The following PRELID2 variants were observed in gnomAD, a reference collection of about 807,000 sequenced individuals.
PRELID2 encodes PRELI domain containing 2, also known as PRELI domain-containing protein 2.
In PRELID2, 25 loss-of-function variants were observed where a neutral mutation model predicts 28.4. That is an observed-to-expected ratio of 0.88 (90% CI 0.64 to 1.23). The LOEUF (loss-of-function observed/expected upper bound fraction) is 1.23, where lower values mean the gene tolerates loss of function less well. PRELID2 is among the 50% of genes most tolerant of loss of function. PRELID2 has a pLI of 0.00. For missense variants in PRELID2, 201 were observed against 214.4 expected, an observed-to-expected ratio of 0.94 and a Z score of 0.39; for synonymous variants, 76 against 71.6, an observed-to-expected ratio of 1.06 and a Z score of -0.31.
intron 1 of PRELID2, among the ~76,000 whole-genome samples, chr5:145,589,247 T>C (rs1270177175): frequency 1.3e-5 from 2 of 152,214 alleles, no homozygotes; most frequent in Non-Finnish European, 2.9e-5. Flanking sequence ...AACCAGGCTC[T>C]GGTAAATGTC....
the PRELID2 span, among the ~76,000 whole-genome samples, chr5:145,414,803 C>A: frequency 2.0e-5 from 3 of 152,176 alleles, no homozygotes; most frequent in African/African-American, 7.2e-5. Flanking sequence ...ATACCTGAGT[C>A]TTGAAATAAT....
intron 1 of PRELID2, among the ~76,000 whole-genome samples, chr5:145,708,473 A>G: frequency 6.7e-6 from 1 of 148,212 alleles, no homozygotes; most frequent in East Asian, 1.9e-4. Context: ...ACATCATTTT[A>G]ATTGTCATCC....
chr5:145,697,986 CAA>C (rs200419262), intron 1 of PRELID2, among the ~76,000 whole-genome samples: 3 of 149,776 alleles, frequency 2.0e-5, no homozygotes, highest in Admixed American at 6.6e-5. Flanking sequence ...TAATGTCCCT[CAA>C]AAAAAATATA....
At chr5:145,741,227 T>TAG (rs1756716044) in intron 1 of PRELID2, among the ~76,000 whole-genome samples, 1 of 68,000 alleles carries the variant, frequency 1.5e-5, no homozygotes, top group African/African-American at 5.6e-5. Context: ...AATATATATA[T>TAG]AATATATAAT....
chr5:145,724,646 T>TAA (rs1756090326), intron 1 of PRELID2, among the ~76,000 whole-genome samples: 2 of 120,106 alleles, frequency 1.7e-5, no homozygotes, highest in Non-Finnish European at 3.5e-5. Flanking sequence ...TATATATATA[T>TAA]AATGCCTGTA....
intron 1 of PRELID2, among the ~76,000 whole-genome samples, chr5:145,824,463 T>TGTGTGTGTGTGTGTGTGTGTGTGA (rs373555427): frequency 3.8e-4 from 55 of 143,654 alleles, no homozygotes; most frequent in Non-Finnish European, 3.7e-4. Context: ...TGTGTGTGTG[T>TGTGTGTGTGTGTGTGTGTGTGTGA]GATATTGATT....
intron 1 of PRELID2, among the ~76,000 whole-genome samples, chr5:145,617,821 C>T (rs139810962): frequency 4.6e-5 from 7 of 151,820 alleles, no homozygotes; most frequent in African/African-American, 1.7e-4. Context: ...GCAACCTCCA[C>T]CTCCCAGGTT....
At chr5:145,304,720 C>T in the PRELID2 span, among the ~76,000 whole-genome samples, 9 of 151,958 alleles carry the variant, frequency 5.9e-5, no homozygotes, top group African/African-American at 2.2e-4. Flanking sequence ...GAGATTTAGG[C>T]CTTAGACTTC....
At chr5:145,554,927 A>AT (rs1402146033) in intron 1 of PRELID2, among the ~76,000 whole-genome samples, 1 of 152,236 alleles carries the variant, frequency 6.6e-6, no homozygotes, top group Non-Finnish European at 1.5e-5. Context: ...AATTCAAGCA[A>AT]TATAGAAGTT....
Position 145,654,227 on chromosome 5 carries a change from T to C in PRELID2, n.70+110704A>G, listed in dbSNP as rs536986595. On this transcript the variant is annotated intron_variant and non_coding_transcript_variant, in intron 1 of 2. Transcript: ENST00000510259. The stretch of plus-strand genomic sequence containing the variant: ...GAACTCGAATCCCTGAATAGACCAA[T>C]AACAGGCTCTGAAATTGAGGCAATA... 2.0e-5 allele frequency among the ~76,000 whole-genome samples: 3 copies of C among 152,182 alleles called. No individual in the cohort carries two copies. In the East Asian group the frequency reaches 5.8e-4, roughly 29 times the overall value.
chr5:145,833,422 C>G (rs74522568), intron 1 of PRELID2, among the ~76,000 whole-genome samples: 3,630 of 152,250 alleles, frequency 0.024, 139 homozygotes, highest in African/African-American at 0.082. Context: ...AGTGCCAGTT[C>G]TAACAAAAAA....
the PRELID2 span, among the ~76,000 whole-genome samples, chr5:145,394,981 A>AT: frequency 6.6e-6 from 1 of 151,914 alleles, no homozygotes; most frequent in African/African-American, 2.4e-5. Flanking sequence ...TCTCATCTTA[A>AT]TTTTTTCTCC....
the PRELID2 span, among the ~76,000 whole-genome samples, chr5:145,434,227 T>A: frequency 4.1e-4 from 62 of 152,196 alleles, 1 homozygote; most frequent in Admixed American, 4.1e-3. Context: ...TAAAATTAGT[T>A]TCAGTGAATT....
intron 1 of PRELID2, among the ~76,000 whole-genome samples, chr5:145,718,865 A>G (rs532378341): frequency 2.6e-5 from 4 of 152,210 alleles, no homozygotes; most frequent in Middle Eastern, 3.4e-3. Context: ...GCCACTCTTG[A>G]TAAGTGTAAG....
chr5:145,607,182 T>C (rs919235975), intron 1 of PRELID2, among the ~76,000 whole-genome samples: 5 of 152,156 alleles, frequency 3.3e-5, no homozygotes, highest in Non-Finnish European at 7.4e-5. Context: ...ATTTATTCTT[T>C]CAAAGAACAA....
the PRELID2 span, among the ~76,000 whole-genome samples, chr5:145,400,294 C>T: frequency 3.3e-5 from 5 of 152,150 alleles, no homozygotes; most frequent in South Asian, 4.2e-4. Context: ...ACCTCAGAGA[C>T]GCCAAGTGTG....
At chr5:145,302,973 A>G in the PRELID2 span, among the ~76,000 whole-genome samples, 1 of 152,166 alleles carries the variant, frequency 6.6e-6, no homozygotes. Flanking sequence ...TATCTCCTCT[A>G]CCTGATCTTT....
chr5:145,500,537 C>T (rs1318021881), intron 1 of PRELID2, among the ~76,000 whole-genome samples: 1 of 152,090 alleles, frequency 6.6e-6, no homozygotes, highest in Non-Finnish European at 1.5e-5. Flanking sequence ...TAAGAAAGGG[C>T]TTTCTCCAGA....
the PRELID2 span, among the ~76,000 whole-genome samples, chr5:145,300,066 T>C: frequency 6.6e-6 from 1 of 152,164 alleles, no homozygotes; most frequent in Non-Finnish European, 1.5e-5. Context: ...TCTTTATCGA[T>C]TATTACATTG....
Sources: gnomAD v4.1 joint callset for allele counts (sites outside exome capture counted in the v4.1 genomes callset) on GRCh38, gnomAD v4.1.1 for gene constraint, MANE v1.5 for transcripts, NCBI Gene and HGNC (gene_info 2026-07-23, HGNC 2026-07-21) for gene names.